Variants in KLF15 observed in about 807,000 individuals in gnomAD.
KLF15 encodes the protein KLF transcription factor 15.
A neutral mutation model predicts 24.6 loss-of-function variants in KLF15; 4 were observed. The observed-to-expected ratio is 0.16, with a 90% CI of 0.08 to 0.37. KLF15 has a LOEUF of 0.37. Ranked by LOEUF, KLF15 falls within the 10% of genes least tolerant of loss-of-function variation. KLF15 has a pLI of 1.00. For synonymous variants in KLF15, 246 were observed against 236.3 expected, an observed-to-expected ratio of 1.04 and a Z score of -0.37; for missense variants, 496 against 560.6, an observed-to-expected ratio of 0.88 and a Z score of 1.16.
At chr3:126,357,047 C>T in intron 1 of KLF15, among the ~76,000 whole-genome samples, 190 bp downstream of exon 1, 1 of 151,588 alleles carries the variant, frequency 6.6e-6, no homozygotes, top group Non-Finnish European at 1.5e-5. Flanking sequence ...GGGGTCACCT[C>T]CCCCGGGCCA....
At chr3:126,290,337 G>A in the KLF15 span, among the ~76,000 whole-genome samples, 4 of 152,312 alleles carry the variant, frequency 2.6e-5, no homozygotes, top group Admixed American at 2.6e-4. Context: ...CCCAGCTCCA[G>A]GGCTGCACCT....
the KLF15 span, among the ~76,000 whole-genome samples, chr3:126,337,428 G>C: frequency 8.6e-6 from 1 of 116,664 alleles, no homozygotes; most frequent in African/African-American, 3.4e-5. Context: ...GACTGTTGTG[G>C]GGTGGGGGGA....
chr3:126,343,235 C>G lies in KLF15; in HGVS notation c.*492G>C, dbSNP rs2082496583. 2 of 145,194 alleles carry G rather than the reference C, an allele frequency of 1.4e-5. No individual in the cohort carries two copies. Among genetic ancestry groups the G allele is most frequent in the South Asian group, 2.3e-4 (1 of 4,404 alleles). The allele number at this position is 145,194 out of a possible 1,614,324, so 9.0% of individuals were successfully genotyped here. On this transcript the variant is annotated 3_prime_UTR_variant, in exon 3 of 3. Coordinates refer to ENST00000296233, the MANE Select transcript of KLF15 (RefSeq NM_014079.4). ...GATCATGCTGAGCAGGCATCTTAGA[C>G]AAAGCCACCCTCACACCACAGTGCA...
At chr3:126,344,892 G>A (rs1490727845) in intron 2 of KLF15, among the ~76,000 whole-genome samples, 1 of 152,216 alleles carries the variant, frequency 6.6e-6, no homozygotes, top group Non-Finnish European at 1.5e-5. Context: ...ACAGTCAAGA[G>A]CCCAAGCTGC....
At chr3:126,313,917 C>T in the KLF15 span, among the ~76,000 whole-genome samples, 1 of 152,194 alleles carries the variant, frequency 6.6e-6, no homozygotes, top group African/African-American at 2.4e-5. Context: ...ACTGCAAACC[C>T]GTCTACCATC....
the KLF15 span, among the ~76,000 whole-genome samples, chr3:126,336,471 C>A: frequency 1.4e-5 from 1 of 69,366 alleles, no homozygotes. Flanking sequence ...CCATAAAAAC[C>A]CTAGAAGAAA....
chr3:126,288,352 C>T, the KLF15 span: 21 of 152,366 alleles, frequency 1.4e-4, no homozygotes, highest in African/African-American at 5.1e-4. Context: ...CAGGCTCCGG[C>T]AAGCCGTGGG....
chr3:126,312,755 C>T, the KLF15 span, among the ~76,000 whole-genome samples: 2 of 152,174 alleles, frequency 1.3e-5, no homozygotes, highest in African/African-American at 2.4e-5. Flanking sequence ...TGCGTTTTCA[C>T]AGTTTTGGAG....
the KLF15 span, chr3:126,288,857 A>T: frequency 6.6e-6 from 1 of 152,268 alleles, no homozygotes; most frequent in Non-Finnish European, 1.5e-5. Flanking sequence ...TTTTCTGCTT[A>T]CAAAATCTAT....
At chr3:126,288,616 TC>T in the KLF15 span, among the ~76,000 whole-genome samples, 1 of 152,200 alleles carries the variant, frequency 6.6e-6, no homozygotes, top group Non-Finnish European at 1.5e-5. Flanking sequence ...CTGCAGCTTG[TC>T]CCTTAGTCCT....
downstream of KLF15, among the ~76,000 whole-genome samples, chr3:126,337,752 G>C (rs1324539173): frequency 1.3e-5 from 2 of 152,116 alleles, no homozygotes; most frequent in African/African-American, 4.8e-5. Flanking sequence ...TAAGTGTGTT[G>C]CATATTTTAA....
the KLF15 span, among the ~76,000 whole-genome samples, chr3:126,309,496 C>T: frequency 6.6e-6 from 1 of 152,234 alleles, no homozygotes; most frequent in Non-Finnish European, 1.5e-5. Context: ...TGGGAACCCA[C>T]GTTTCTGCTT....
downstream of KLF15, among the ~76,000 whole-genome samples, chr3:126,338,839 C>T (rs7622890): frequency 0.69 from 105,024 of 152,164 alleles, 36,662 homozygotes; most frequent in African/African-American, 0.8. Flanking sequence ...GCCTCACTCT[C>T]GTGATGGAGC....
At chr3:126,306,805 C>A in the KLF15 span, among the ~76,000 whole-genome samples, 2 of 152,218 alleles carry the variant, frequency 1.3e-5, no homozygotes, top group African/African-American at 4.8e-5. Flanking sequence ...TAGAAAGCAG[C>A]CCTTTGGTCT....
chr3:126,290,317 G>A, the KLF15 span, among the ~76,000 whole-genome samples: 1 of 152,214 alleles, frequency 6.6e-6, no homozygotes, highest in African/African-American at 2.4e-5. Context: ...CTTGGATGCA[G>A]ACAGGCAAGC....
At chr3:126,317,604 G>T in the KLF15 span, among the ~76,000 whole-genome samples, 1 of 152,034 alleles carries the variant, frequency 6.6e-6, no homozygotes, top group African/African-American at 2.4e-5. Context: ...TGCGCACCCC[G>T]GAGTGCGGGC....
rs1273204015 is a variant in KLF15 at position 126,343,506 on chromosome 3, G to A, written c.*221C>T. 14 of 511,542 alleles carry A rather than the reference G, an allele frequency of 2.7e-5. No individual in the cohort carries two copies. Among genetic ancestry groups the A allele is most frequent in the Middle Eastern group, 5.0e-4 (1 of 2,004 alleles). The allele number at this position is 511,542 out of a possible 1,614,324, so 31.7% of individuals were successfully genotyped here. On this transcript the variant is annotated 3_prime_UTR_variant, in exon 3 of 3. Transcript: ENST00000296233. Reference sequence around the variant, plus strand: ...GGCACGAAGGCCTGCCTCCAGCCCCGTGCGCCTGGGGCCCAGCCCCCAGGG... The same window carrying A: ...GGCACGAAGGCCTGCCTCCAGCCCCATGCGCCTGGGGCCCAGCCCCCAGGG...
At chr3:126,319,803 C>T in the KLF15 span, among the ~76,000 whole-genome samples, 1 of 152,242 alleles carries the variant, frequency 6.6e-6, no homozygotes, top group South Asian at 2.1e-4. Context: ...TTCCTGTGGC[C>T]TGCCAGAGGC....
At chr3:126,300,974 G>C in the KLF15 span, among the ~76,000 whole-genome samples, 40 of 152,214 alleles carry the variant, frequency 2.6e-4, no homozygotes, top group Non-Finnish European at 4.0e-4. Context: ...CAAAGAGAGG[G>C]TCCAGGTGAA....
Sources: allele counts gnomAD v4.1 joint callset (sites outside exome capture counted in the v4.1 genomes callset), GRCh38; gene constraint gnomAD v4.1.1; transcripts MANE v1.5; gene names NCBI Gene and HGNC (gene_info 2026-07-23, HGNC 2026-07-21).